The following GRID2 variants were observed in gnomAD, a reference collection of about 807,000 sequenced individuals.
GRID2 encodes the protein glutamate ionotropic receptor delta type subunit 2.
A neutral mutation model predicts 114.8 loss-of-function variants in GRID2; 33 were observed. The ratio of observed to expected loss-of-function variants is 0.29; its 90% confidence interval spans 0.22 to 0.38. GRID2 has a LOEUF of 0.38. GRID2 is among the 10% of genes least tolerant of loss of function. The probability of loss-of-function intolerance (pLI) is 1.00; values close to 1 mark genes in which losing one functional copy is unlikely to be tolerated. For synonymous variants in GRID2, 505 were observed against 449.9 expected (o/e 1.12, Z -1.55); for missense variants, 1,184 against 1,257.7 (o/e 0.94, Z 0.89).
chr4:92,859,688 G>T (rs1744401737), intron 2 of GRID2, among the ~76,000 whole-genome samples: 1 of 152,116 alleles, frequency 6.6e-6, no homozygotes, highest in South Asian at 2.1e-4. Flanking sequence ...TGATTGAGGA[G>T]TAGATACCTT....
At chr4:93,441,013 A>G (rs1344335001) in intron 10 of GRID2, among the ~76,000 whole-genome samples, 1 of 152,104 alleles carries the variant, frequency 6.6e-6, no homozygotes, top group Non-Finnish European at 1.5e-5. Context: ...ACAAGGACAA[A>G]CAAAACTTCA....
chr4:93,503,575 G>A (rs1244846738), intron 12 of GRID2, among the ~76,000 whole-genome samples: 1 of 149,166 alleles, frequency 6.7e-6, no homozygotes, highest in African/African-American at 2.5e-5. Context: ...AACATGCGGT[G>A]TTCGGTTTTT....
Position 92,410,122 on chromosome 4 carries a change from A to C in GRID2, c.88+105378A>C, listed in dbSNP as rs1731224095. On this transcript the variant is annotated intron_variant, in intron 1 of 15. Transcript: ENST00000282020. ...TAGCATATCCTTCACATGCCATTAA[A>C]CTTTTTGGGTTTCGGAGGACACCCA... Among the ~76,000 whole-genome samples, 3 of 152,270 alleles carry C rather than the reference A, an allele frequency of 2.0e-5. No homozygotes were observed. In the South Asian group the frequency reaches 6.2e-4, roughly 32 times the overall value.
intron 2 of GRID2, among the ~76,000 whole-genome samples, chr4:92,715,394 C>T (rs774310751): frequency 1.2e-4 from 19 of 152,148 alleles, no homozygotes; most frequent in Non-Finnish European, 2.2e-4. Context: ...GCCCTCCAAA[C>T]GGTTCTAACT....
In GRID2 at chr4:93,141,559, GA is replaced by G. The variant is rs893421639; in HGVS notation, c.735+30615del. Among the ~76,000 whole-genome samples the G allele has an allele frequency of 5.1e-3, 760 of 150,336 alleles. 11 individuals are homozygous for G. Among genetic ancestry groups the G allele is most frequent in the African/African-American group, 0.018 (735 of 41,074 alleles). ...ATACAGGGTATTCTTTAAAGCTTTTGAAAAAAAAAGTCTTTAAATTATGTGT... is the reference window on the plus strand; with the variant it reads ...ATACAGGGTATTCTTTAAAGCTTTTGAAAAAAAAGTCTTTAAATTATGTGT... On this transcript the variant is annotated intron_variant, in intron 4 of 15. Transcript: ENST00000282020.
rs1463004952 is a variant in GRID2 at position 93,773,838 on chromosome 4, A to G, written c.*1340A>G. On this transcript the variant is annotated 3_prime_UTR_variant, in exon 16 of 16. Coordinates refer to ENST00000282020, the MANE Select transcript of GRID2 (RefSeq NM_001510.4). ...TTAGTTCTATTTGGAGGAGTTATGT[A>G]TTTTTTACATTAGTGCCAAGTATAT... is the stretch of plus-strand genomic sequence containing the variant. The G allele has an allele frequency of 6.6e-6, 1 of 152,170 alleles. No homozygotes were observed. The highest frequency in any genetic ancestry group is 1.9e-4 in the East Asian group (1 of 5,178). The allele number at this position is 152,170 out of a possible 1,614,324, so 9.4% of individuals were successfully genotyped here.
At chr4:93,571,316 C>T (rs1212394221) in intron 13 of GRID2, among the ~76,000 whole-genome samples, 1 of 151,912 alleles carries the variant, frequency 6.6e-6, no homozygotes, top group Non-Finnish European at 1.5e-5. Context: ...GGTTATTTTT[C>T]CCCAGAAGTA....
intron 2 of GRID2, among the ~76,000 whole-genome samples, chr4:93,045,578 ATG>A (rs1228496016): frequency 3.3e-5 from 5 of 152,124 alleles, no homozygotes; most frequent in African/African-American, 9.7e-5. Flanking sequence ...GGACATTTAA[ATG>A]TTTGGGAAAA....
chr4:93,448,108 A>G (rs1722262004), intron 10 of GRID2, among the ~76,000 whole-genome samples: 1 of 151,870 alleles, frequency 6.6e-6, no homozygotes, highest in Admixed American at 6.6e-5. Context: ...TGAAATCATC[A>G]TGTGTTCTAA....
chr4:92,415,740 G>GTATA (rs70940888), intron 1 of GRID2, among the ~76,000 whole-genome samples: 7,381 of 80,080 alleles, frequency 0.092, 434 homozygotes, highest in Non-Finnish European at 0.12. Context: ...GTGTATGTGT[G>GTATA]TATATATATA....
intron 13 of GRID2, among the ~76,000 whole-genome samples, chr4:93,619,762 T>TTTAAG (rs976658134): frequency 2.6e-5 from 4 of 152,124 alleles, no homozygotes; most frequent in Admixed American, 2.0e-4. Context: ...ACCTTTTTCT[T>TTTAAG]AAAAGCCCAA....
chr4:93,185,921 A>G (rs796539854), intron 4 of GRID2, among the ~76,000 whole-genome samples: 3 of 150,838 alleles, frequency 2.0e-5, no homozygotes, highest in South Asian at 2.1e-4. Context: ...GACAGGCCCC[A>G]GTGTGTGATG....
intron 2 of GRID2, among the ~76,000 whole-genome samples, chr4:92,649,461 C>T (rs2149260596): frequency 1.3e-5 from 2 of 151,456 alleles, no homozygotes; most frequent in African/African-American, 4.8e-5. Context: ...TTGGATGATG[C>T]CCACCCACAT....
At position 92,655,190 on chromosome 4, in the gene GRID2, G is replaced by A. The variant is rs144792148; in HGVS notation, c.244+64904G>A. 3.7e-4 allele frequency among the ~76,000 whole-genome samples: 56 copies of A among 151,896 alleles called. 1 individual carries two copies. Among genetic ancestry groups the A allele is most frequent in the Middle Eastern group, 3.4e-3 (1 of 292 alleles). ...TGTTCTTGGTGACTTTGTCAAAGAC[G>A]AGTTGGCGTAAATATGTGGGTTTAT... On this transcript the variant is annotated intron_variant, in intron 2 of 15. Transcript: ENST00000282020.
intron 8 of GRID2, among the ~76,000 whole-genome samples, chr4:93,283,033 G>T (rs1752806200): frequency 6.6e-6 from 1 of 151,948 alleles, no homozygotes; most frequent in Non-Finnish European, 1.5e-5. Flanking sequence ...CTCCCACCAG[G>T]CCCCATCTCC....
chr4:92,695,679 T>G (rs1234769942), intron 2 of GRID2, among the ~76,000 whole-genome samples: 2 of 152,196 alleles, frequency 1.3e-5, no homozygotes, highest in African/African-American at 4.8e-5. Flanking sequence ...TCTATTACTT[T>G]TTGTTTTGTA....
intron 2 of GRID2, among the ~76,000 whole-genome samples, chr4:92,787,391 A>AATCCCATAACATTTATAGTCT (rs1739367805): frequency 6.6e-6 from 1 of 151,890 alleles, no homozygotes; most frequent in Non-Finnish European, 1.5e-5. Flanking sequence ...GGAATTTTAA[A>AATCCCATAACATTTATAGTCT]TGAGGAGGCT....
At chr4:93,674,252 G>A (rs1024334129) in intron 14 of GRID2, among the ~76,000 whole-genome samples, 15 of 152,072 alleles carry the variant, frequency 9.9e-5, no homozygotes, top group South Asian at 4.1e-4. Context: ...ACTCGTGAGC[G>A]TGAGATAAGA....
At chr4:93,145,644 C>CTTTTTTTTTTTTTTTT (rs10605313) in intron 4 of GRID2, among the ~76,000 whole-genome samples, 1 of 45,702 alleles carries the variant, frequency 2.2e-5, no homozygotes. Context: ...TTCTTTTTTC[C>CTTTTTTTTTTTTTTTT]TTTTTTTTTT....
Sources: allele counts gnomAD v4.1 joint callset (sites outside exome capture counted in the v4.1 genomes callset), GRCh38; gene constraint gnomAD v4.1.1; transcripts MANE v1.5; gene names NCBI Gene and HGNC (gene_info 2026-07-23, HGNC 2026-07-21).